SCAPER: variants seen among roughly 807,000 people sequenced by gnomAD.
SCAPER encodes the protein S phase cyclin A-associated protein in the endoplasmic reticulum.
A neutral mutation model predicts 182.2 loss-of-function variants in SCAPER; 98 were observed. The observed-to-expected ratio is 0.54, with a 90% CI of 0.46 to 0.64. The LOEUF is 0.64. SCAPER is among the 30% of genes least tolerant of loss of function. The pLI is 0.00. For synonymous variants in SCAPER, 605 were observed against 564.6 expected, an observed-to-expected ratio of 1.07 and a Z score of -1.01; for missense variants, 1,432 against 1,690.0, an observed-to-expected ratio of 0.85 and a Z score of 2.68.
chr15:76,830,162 G>T (rs2068335409), intron 5 of SCAPER, among the ~76,000 whole-genome samples: 1 of 152,058 alleles, frequency 6.6e-6, no homozygotes, highest in Non-Finnish European at 1.5e-5. Flanking sequence ...CAGGAAACAT[G>T]CAAGGACATG....
chr15:76,388,234 GTATT>G (rs2043417204), intron 27 of SCAPER, among the ~76,000 whole-genome samples: 2 of 152,160 alleles, frequency 1.3e-5, no homozygotes, highest in Non-Finnish European at 2.9e-5. Flanking sequence ...AACTGAAGAA[GTATT>G]TATTTATGAC....
At chr15:76,824,512 A>G (rs765453492) in intron 5 of SCAPER, among the ~76,000 whole-genome samples, 12 of 152,198 alleles carry the variant, frequency 7.9e-5, no homozygotes, top group Non-Finnish European at 5.9e-5. Context: ...AGTCAGTGAC[A>G]AAAGGGAACC....
At chr15:76,389,599 G>A (rs1012057407) in intron 27 of SCAPER, among the ~76,000 whole-genome samples, 1 of 150,522 alleles carries the variant, frequency 6.6e-6, no homozygotes, top group Admixed American at 6.6e-5. Context: ...AGATCACGAG[G>A]TCAGGTGATC....
chr15:76,846,791 T>C (rs188586514), intron 4 of SCAPER, among the ~76,000 whole-genome samples: 5 of 152,232 alleles, frequency 3.3e-5, no homozygotes, highest in Admixed American at 2.6e-4. Flanking sequence ...GAGAACAGTT[T>C]AGAGGTTCCT....
At chr15:76,464,321 T>C (rs563558494) in intron 25 of SCAPER, among the ~76,000 whole-genome samples, 7 of 152,306 alleles carry the variant, frequency 4.6e-5, no homozygotes, top group Non-Finnish European at 8.8e-5. Context: ...TTATACATTA[T>C]AGCATATGAC....
intron 29 of SCAPER, among the ~76,000 whole-genome samples, chr15:76,374,797 C>CT (rs1380210680): frequency 5.9e-5 from 9 of 151,926 alleles, no homozygotes; most frequent in Non-Finnish European, 1.2e-4. Context: ...AAGTAGGGGG[C>CT]TTTAGATGAA....
At chr15:76,723,107 C>T (rs1240160315) in intron 17 of SCAPER, among the ~76,000 whole-genome samples, 1 of 151,714 alleles carries the variant, frequency 6.6e-6, no homozygotes, top group Non-Finnish European at 1.5e-5. Flanking sequence ...TGAATGTGTC[C>T]CAGAGATTTT....
intron 27 of SCAPER, among the ~76,000 whole-genome samples, chr15:76,395,819 T>C (rs965238266): frequency 8.5e-5 from 13 of 152,244 alleles, no homozygotes; most frequent in Non-Finnish European, 1.6e-4. Context: ...TGATTGATTG[T>C]TTCCTTTGCT....
At position 76,354,296 on chromosome 15, in the gene SCAPER, TGAAAA is replaced by T. The variant is rs2040808974; in HGVS notation, c.3856-161_3856-157del. 1 of 545,330 alleles carries T rather than the reference TGAAAA, an allele frequency of 1.8e-6. No homozygotes were observed. The highest frequency in any genetic ancestry group is 2.0e-5 in the African/African-American group (1 of 50,048). The allele number at this position is 545,330 out of a possible 1,614,324, so 33.8% of individuals were successfully genotyped here. A position where few individuals can be genotyped will look rare whatever the true frequency, so the allele number is the denominator to read the frequency against. ...ACCAGAGCTTAATTTAAGTGATACT[TGAAAA>T]GAGCAGAAAAAAAAAATCTCATTTC... On this transcript the variant is annotated intron_variant, in intron 29 of 31. Coordinates refer to ENST00000563290, the MANE Select transcript of SCAPER (RefSeq NM_020843.4). The surrounding 1 kb of genome is among the most constrained non-coding windows in gnomAD (Gnocchi z 4.4).
intron 22 of SCAPER, among the ~76,000 whole-genome samples, chr15:76,592,071 A>T (rs927527392): frequency 2.0e-5 from 3 of 151,908 alleles, no homozygotes; most frequent in Non-Finnish European, 4.4e-5. Context: ...CAAAAAATGT[A>T]TATCTATCTA....
chr15:76,813,149 T>C (rs1364209468), intron 5 of SCAPER, among the ~76,000 whole-genome samples: 2 of 138,840 alleles, frequency 1.4e-5, no homozygotes, highest in African/African-American at 2.8e-5. Flanking sequence ...ATTAGCACAA[T>C]GATAGGCAAG....
intron 23 of SCAPER, chr15:76,567,186 G>C (rs989325950): frequency 3.5e-6 from 1 of 284,910 alleles, no homozygotes. Flanking sequence ...ACTAAAAAGA[G>C]TTTGTGAGAT....
chr15:76,744,578 T>C (rs2061699064), intron 15 of SCAPER, among the ~76,000 whole-genome samples: 1 of 152,060 alleles, frequency 6.6e-6, no homozygotes. Context: ...AAAATCACAA[T>C]GAGATACCAT....
chr15:76,795,690 T>C (rs2065274342), intron 7 of SCAPER, among the ~76,000 whole-genome samples: 1 of 152,060 alleles, frequency 6.6e-6, no homozygotes, highest in African/African-American at 2.4e-5. Context: ...TAAAAGAAAA[T>C]TTCACTTAAA....
At chr15:76,855,312 C>T (rs1303863716) in intron 4 of SCAPER, among the ~76,000 whole-genome samples, 1 of 151,980 alleles carries the variant, frequency 6.6e-6, no homozygotes, top group Non-Finnish European at 1.5e-5. Flanking sequence ...AAACCCAAAA[C>T]TATAAAAATC....
intron 23 of SCAPER, among the ~76,000 whole-genome samples, chr15:76,558,680 A>G (rs2046369579): frequency 6.6e-6 from 1 of 152,220 alleles, no homozygotes; most frequent in African/African-American, 2.4e-5. Context: ...GTGTATTCCC[A>G]AAGGAATATA....
intron 5 of SCAPER, among the ~76,000 whole-genome samples, chr15:76,826,365 G>C (rs182510887): frequency 5.1e-5 from 7 of 137,436 alleles, no homozygotes; most frequent in African/African-American, 1.6e-4. Flanking sequence ...TGAACAATGA[G>C]AACACATGGA....
chr15:76,414,696 A>T (rs940553673), intron 26 of SCAPER, among the ~76,000 whole-genome samples: 1 of 151,938 alleles, frequency 6.6e-6, no homozygotes, highest in Non-Finnish European at 1.5e-5. Context: ...TAATAATAAA[A>T]GGGCCATCTG....
chr15:76,552,917 C>A (rs1013960912), intron 23 of SCAPER, among the ~76,000 whole-genome samples: 37 of 152,328 alleles, frequency 2.4e-4, no homozygotes, highest in African/African-American at 8.4e-4. Context: ...TACTGGGCCG[C>A]TTCCAATGTT....
Sources: allele counts gnomAD v4.1 joint callset (sites outside exome capture counted in the v4.1 genomes callset), GRCh38; gene constraint gnomAD v4.1.1; non-coding constraint Gnocchi (gnomAD v3.1); transcripts MANE v1.5; gene names NCBI Gene and HGNC (gene_info 2026-07-23, HGNC 2026-07-21).